The following REEP1 variants were observed in gnomAD, a reference collection of about 807,000 sequenced individuals.
REEP1 encodes receptor expression-enhancing protein 1.
In REEP1, 22 loss-of-function variants were observed where a neutral mutation model predicts 40.3. The ratio of observed to expected loss-of-function variants is 0.55; its 90% CI spans 0.39 to 0.78. The LOEUF is 0.78. REEP1 is among the 30% of genes least tolerant of loss of function. The pLI is 0.00. For missense variants in REEP1, 280 were observed against 361.1 expected (o/e 0.78, Z 1.82); for synonymous variants, 116 against 139.2 (o/e 0.83, Z 1.17).
intron 4 of REEP1, among the ~76,000 whole-genome samples, chr2:86,252,624 T>C (rs559555555): frequency 2.0e-5 from 3 of 152,376 alleles, no homozygotes; most frequent in Non-Finnish European, 2.9e-5. Context: ...ATGATAACCA[T>C]GTCATCTTCC....
At chr2:86,311,341 C>G (rs1347704680) in intron 1 of REEP1, among the ~76,000 whole-genome samples, 1 of 152,148 alleles carries the variant, frequency 6.6e-6, no homozygotes, top group African/African-American at 2.4e-5. Context: ...AGGTAGTGGA[C>G]ACTGCATTAG....
chr2:86,314,707 G>T (rs1387910990), intron 1 of REEP1, among the ~76,000 whole-genome samples: 1 of 149,750 alleles, frequency 6.7e-6, no homozygotes, highest in Non-Finnish European at 1.5e-5. Flanking sequence ...ATCTTGCTCT[G>T]TTGCCCAGGC....
At chr2:86,262,715 AC>A (rs1676930269) in intron 3 of REEP1, among the ~76,000 whole-genome samples, 1 of 152,234 alleles carries the variant, frequency 6.6e-6, no homozygotes, top group Non-Finnish European at 1.5e-5. Context: ...ATCACACTTC[AC>A]CATGGTTAAA....
At chr2:86,269,151 A>G (rs1232096723) in intron 2 of REEP1, among the ~76,000 whole-genome samples, 1 of 152,234 alleles carries the variant, frequency 6.6e-6, no homozygotes, top group African/African-American at 2.4e-5. Context: ...ACTTCATTAA[A>G]ATTCAAAACC....
chr2:86,226,864 T>C (rs944308379), intron 7 of REEP1, among the ~76,000 whole-genome samples: 1 of 152,100 alleles, frequency 6.6e-6, no homozygotes, highest in Non-Finnish European at 1.5e-5. Context: ...ATGTGGGCTG[T>C]GCTTAATGAC....
At chr2:86,235,247 G>C (rs1675253177) in intron 5 of REEP1, among the ~76,000 whole-genome samples, 3 of 152,220 alleles carry the variant, frequency 2.0e-5, no homozygotes, top group African/African-American at 7.2e-5. Context: ...AGAAAGTGAA[G>C]ATTGAGAACA....
At chr2:86,276,834 C>T (rs1161277409) in intron 2 of REEP1, among the ~76,000 whole-genome samples, 1 of 152,202 alleles carries the variant, frequency 6.6e-6, no homozygotes. Flanking sequence ...AATGCAGAAT[C>T]TCAGACCCCA....
intron 1 of REEP1, 138 bp from the exon 2 acceptor site, chr2:86,282,380 C>T (rs1271732196): frequency 2.8e-6 from 2 of 701,894 alleles, no homozygotes; most frequent in Non-Finnish European, 2.6e-6. Flanking sequence ...TTTATGAATG[C>T]CCTGAAGGTG....
At chr2:86,320,182 T>C (rs1680216513) in intron 1 of REEP1, among the ~76,000 whole-genome samples, 1 of 152,192 alleles carries the variant, frequency 6.6e-6, no homozygotes, top group African/African-American at 2.4e-5. Context: ...AAAACACCCA[T>C]TCTCTAGTCA....
intron 5 of REEP1, among the ~76,000 whole-genome samples, chr2:86,250,937 A>G (rs1409888850): frequency 6.6e-6 from 1 of 152,190 alleles, no homozygotes; most frequent in Non-Finnish European, 1.5e-5. Flanking sequence ...ATGTTCATAG[A>G]GCACCAAGAT....
chr2:86,245,046 T>C (rs549957064), intron 5 of REEP1, among the ~76,000 whole-genome samples: 39 of 152,086 alleles, frequency 2.6e-4, no homozygotes, highest in Non-Finnish European at 5.1e-4. Flanking sequence ...CTCGGGAGGC[T>C]GAGGCAGGGA....
intron 5 of REEP1, among the ~76,000 whole-genome samples, chr2:86,236,800 A>C (rs1266171869): frequency 6.6e-6 from 1 of 151,522 alleles, no homozygotes; most frequent in Non-Finnish European, 1.5e-5. Context: ...GCAGTGGTGC[A>C]ATCTCGGCTC....
rs35714309 is a variant in REEP1, at chr2:86,239,208, CAAAAAAA to C, written c.418-6413_418-6407del. Among the ~76,000 whole-genome samples the C allele has an allele frequency of 1.3e-3, 75 of 58,358 alleles. No individual in the cohort carries two copies. The East Asian group carries it at 0.02, about 15-fold the overall frequency. 38.3% of individuals were successfully genotyped at this position (58,358 alleles called of 152,430 possible). ...TGATGCTGACCAATGCCATCTAGAC[CAAAAAAA>C]AAAAAAAAAAAAAAAAAAGACATAG... On this transcript the variant is annotated intron_variant, in intron 5 of 8. Coordinates refer to ENST00000538924, the MANE Select transcript of REEP1 (RefSeq NM_001371279.1).
chr2:86,226,632 C>CTTTT (rs377324951), intron 7 of REEP1, among the ~76,000 whole-genome samples: 11,477 of 139,256 alleles, frequency 0.082, 1,610 homozygotes, highest in African/African-American at 0.29. Context: ...GCACACCTGG[C>CTTTT]TTTTTTTTTT....
intron 7 of REEP1, among the ~76,000 whole-genome samples, chr2:86,222,080 C>T (rs755802973): frequency 4.6e-5 from 7 of 152,154 alleles, no homozygotes; most frequent in Non-Finnish European, 7.3e-5. Flanking sequence ...CCAAAGTCAC[C>T]GTGAGATCCT....
Position 86,299,518 on chromosome 2 carries a change from G to C in REEP1, c.33-17276C>G, listed in dbSNP as rs553323399. Among the ~76,000 whole-genome samples, 49 of 152,230 alleles carry C rather than the reference G, an allele frequency of 3.2e-4. 1 individual carries two copies. Among genetic ancestry groups the C allele is most frequent in the African/African-American group, 1.2e-3 (48 of 41,532 alleles). Reference sequence around the variant, plus strand: ...CTTTTCCTGAGCTCCTTAGAACAAGGGTTATATGTGTGCCTTCTACACACT... The same window carrying C: ...CTTTTCCTGAGCTCCTTAGAACAAGCGTTATATGTGTGCCTTCTACACACT... On this transcript the variant is annotated intron_variant, in intron 1 of 8. Transcript: ENST00000538924.
intron 6 of REEP1, 122 bp downstream of exon 6, chr2:86,232,503 A>T: frequency 1.7e-6 from 2 of 1,184,222 alleles, no homozygotes; most frequent in Non-Finnish European, 2.4e-6. Context: ...TCTGATGGAC[A>T]CCCCGTTGGT....
intron 1 of REEP1, among the ~76,000 whole-genome samples, chr2:86,302,271 A>G (rs1411405394): frequency 3.3e-5 from 5 of 152,200 alleles, no homozygotes; most frequent in African/African-American, 1.2e-4. Context: ...CTGCAATGGG[A>G]CAGGTTTTTC....
chr2:86,268,603 G>A (rs1324712166), intron 2 of REEP1, among the ~76,000 whole-genome samples: 1 of 152,090 alleles, frequency 6.6e-6, no homozygotes, highest in African/African-American at 2.4e-5. Context: ...ATCCCAGCAA[G>A]TTTCTTATGG....
Sources: gnomAD v4.1 joint callset for allele counts (sites outside exome capture counted in the v4.1 genomes callset) on GRCh38, gnomAD v4.1.1 for gene constraint, MANE v1.5 for transcripts, NCBI Gene and HGNC (gene_info 2026-07-23, HGNC 2026-07-21) for gene names.